The following REDIC1 variants were observed in gnomAD, a reference collection of about 807,000 sequenced individuals.
The protein encoded by REDIC1 is regulator of DNA class I crossover intermediates 1, also known as HEI10 Interacting Protein 1.
chr12:39,636,160 T>C, the REDIC1 span, among the ~76,000 whole-genome samples: 1 of 152,168 alleles, frequency 6.6e-6, no homozygotes, highest in Non-Finnish European at 1.5e-5. Flanking sequence ...GGGAAATGGC[T>C]GTTCGTGTTT....
the REDIC1 span, among the ~76,000 whole-genome samples, chr12:39,761,357 G>T: frequency 6.6e-6 from 1 of 151,968 alleles, no homozygotes; most frequent in Non-Finnish European, 1.5e-5. Context: ...AGAGATGGTT[G>T]AGAGAGAGAC....
chr12:39,712,029 C>CATGTATATATACCTACCTAT, the REDIC1 span, among the ~76,000 whole-genome samples: 1 of 113,290 alleles, frequency 8.8e-6, no homozygotes, highest in Non-Finnish European at 1.8e-5. Context: ...TGTATATATA[C>CATGTATATATACCTACCTAT]ATGTATATAT....
chr12:39,796,676 C>T, the REDIC1 span, among the ~76,000 whole-genome samples: 3 of 152,096 alleles, frequency 2.0e-5, no homozygotes, highest in African/African-American at 7.2e-5. Flanking sequence ...GTACAGCCAG[C>T]AAACCTCCTA....
the REDIC1 span, chr12:39,647,659 G>A: frequency 1.0e-5 from 6 of 577,926 alleles, no homozygotes; most frequent in East Asian, 3.4e-5. Context: ...TTACTGATGG[G>A]TTGCCTTGCC....
At chr12:39,797,756 A>ACACACACACACACACACACG in the REDIC1 span, among the ~76,000 whole-genome samples, 1 of 152,072 alleles carries the variant, frequency 6.6e-6, no homozygotes, top group East Asian at 1.9e-4. Flanking sequence ...ACACACACAC[A>ACACACACACACACACACACG]CACACACACA....
At chr12:39,848,390 T>G in the REDIC1 span, among the ~76,000 whole-genome samples, 2 of 152,022 alleles carry the variant, frequency 1.3e-5, no homozygotes, top group Non-Finnish European at 2.9e-5. Flanking sequence ...TCTCAAAAGA[T>G]GACATACGTG....
chr12:39,712,325 TA>T, the REDIC1 span, among the ~76,000 whole-genome samples: 4 of 7,434 alleles, frequency 5.4e-4, no homozygotes, highest in Admixed American at 3.6e-3. Flanking sequence ...TATATATACA[TA>T]TGTTTATATA....
chr12:39,753,491 A>G, the REDIC1 span, among the ~76,000 whole-genome samples: 1 of 152,304 alleles, frequency 6.6e-6, no homozygotes, highest in African/African-American at 2.4e-5. Context: ...ATCAACTGCC[A>G]TTCAGGAGGA....
At chr12:39,734,075 A>G in the REDIC1 span, among the ~76,000 whole-genome samples, 1 of 152,148 alleles carries the variant, frequency 6.6e-6, no homozygotes, top group Non-Finnish European at 1.5e-5. Context: ...GCGGGTTGTG[A>G]AGACTGTGGG....
At chr12:39,743,515 G>A in the REDIC1 span, among the ~76,000 whole-genome samples, 8 of 152,302 alleles carry the variant, frequency 5.3e-5, no homozygotes, top group African/African-American at 9.6e-5. Flanking sequence ...AAGCAGTCAC[G>A]TACCAGACTC....
At chr12:39,812,771 G>A in the REDIC1 span, among the ~76,000 whole-genome samples, 32 of 148,158 alleles carry the variant, frequency 2.2e-4, no homozygotes, top group Admixed American at 1.3e-3. Flanking sequence ...TGCACCTGGC[G>A]GTTTCTAATT....
chr12:39,811,457 C>T, the REDIC1 span, among the ~76,000 whole-genome samples: 3 of 151,872 alleles, frequency 2.0e-5, no homozygotes, highest in Non-Finnish European at 2.9e-5. Context: ...TATAAGTTTG[C>T]TGTTAAGTAT....
At chr12:39,632,546 ATG>A in the REDIC1 span, among the ~76,000 whole-genome samples, 1 of 152,190 alleles carries the variant, frequency 6.6e-6, no homozygotes, top group East Asian at 1.9e-4. Flanking sequence ...GTATGCATGC[ATG>A]TATATATACA....
chr12:39,687,670 G>T, the REDIC1 span, among the ~76,000 whole-genome samples: 1 of 152,148 alleles, frequency 6.6e-6, no homozygotes, highest in Middle Eastern at 3.2e-3. Flanking sequence ...TTGCCGGGGG[G>T]TACCCAAAGA....
chr12:39,742,897 A>T, the REDIC1 span, among the ~76,000 whole-genome samples: 1 of 152,204 alleles, frequency 6.6e-6, no homozygotes, highest in African/African-American at 2.4e-5. Context: ...CCATAAGCAG[A>T]AACCTCCGTG....
chr12:39,885,000 G>A, the REDIC1 span, among the ~76,000 whole-genome samples: 1 of 152,192 alleles, frequency 6.6e-6, no homozygotes, highest in Non-Finnish European at 1.5e-5. Flanking sequence ...AACCATAGTG[G>A]CAGAGACAGG....
the REDIC1 span, among the ~76,000 whole-genome samples, chr12:39,810,714 G>A: frequency 6.6e-6 from 1 of 152,050 alleles, no homozygotes. Context: ...TTTATTTTCT[G>A]TATGTATTAA....
At chr12:39,826,616 AG>A in the REDIC1 span, among the ~76,000 whole-genome samples, 1 of 151,518 alleles carries the variant, frequency 6.6e-6, no homozygotes, top group African/African-American at 2.4e-5. Flanking sequence ...AAAAATAAAA[AG>A]CAGAAAAATT....
chr12:39,713,422 A>G, the REDIC1 span, among the ~76,000 whole-genome samples: 2 of 9,358 alleles, frequency 2.1e-4, no homozygotes, highest in African/African-American at 3.7e-4. Flanking sequence ...ACATATACAT[A>G]TGTATATATG....
Sources: gnomAD v4.1 joint callset for allele counts (sites outside exome capture counted in the v4.1 genomes callset) on GRCh38, gnomAD v4.1.1 for gene constraint, MANE v1.5 for transcripts, NCBI Gene and HGNC (gene_info 2026-07-23, HGNC 2026-07-21) for gene names.